ATRNL1: variants seen among roughly 807,000 people sequenced by gnomAD.
ATRNL1 encodes the protein attractin-like protein 1.
ATRNL1 carries 95 observed loss-of-function variants against 182.7 expected under a neutral mutation model. The ratio of observed to expected loss-of-function variants is 0.52; its 90% CI spans 0.44 to 0.62. The LOEUF is 0.62. Among genes scored for constraint, ATRNL1 ranks in the 20% least tolerant of loss-of-function variants. The pLI is 0.00. For synonymous variants in ATRNL1, 576 were observed against 568.3 expected (o/e 1.01, Z -0.19); for missense variants, 1,471 against 1,679.5 (o/e 0.88, Z 2.17).
chr10:115,485,860 A>C (rs35333491), intron 24 of ATRNL1, among the ~76,000 whole-genome samples: 1 of 150,988 alleles, frequency 6.6e-6, no homozygotes, highest in Non-Finnish European at 1.5e-5. Flanking sequence ...TGTTATCTAC[A>C]TTAGGTATTT....
intron 19 of ATRNL1, among the ~76,000 whole-genome samples, chr10:115,340,329 G>A (rs1004564681): frequency 5.3e-5 from 8 of 152,002 alleles, no homozygotes; most frequent in East Asian, 3.9e-4. Flanking sequence ...TTTTAGTAGC[G>A]ATGGAGTTTC....
intron 28 of ATRNL1, among the ~76,000 whole-genome samples, chr10:115,859,170 C>A (rs1438516249): frequency 6.6e-6 from 1 of 152,004 alleles, no homozygotes; most frequent in Non-Finnish European, 1.5e-5. Flanking sequence ...CCTCCAAATA[C>A]CATTATATTA....
At chr10:115,713,160 T>A (rs912056471) in intron 26 of ATRNL1, among the ~76,000 whole-genome samples, 1 of 152,158 alleles carries the variant, frequency 6.6e-6, no homozygotes, top group Non-Finnish European at 1.5e-5. Flanking sequence ...AGAGACAATC[T>A]AAGACCACAT....
chr10:115,520,683 C>T (rs1592777646), intron 25 of ATRNL1, among the ~76,000 whole-genome samples: 1 of 152,140 alleles, frequency 6.6e-6, no homozygotes, highest in African/African-American at 2.4e-5. Flanking sequence ...ATCTGCCTCC[C>T]TATGATATCT....
At chr10:115,870,519 T>C (rs902620085) in intron 28 of ATRNL1, among the ~76,000 whole-genome samples, 24 of 152,226 alleles carry the variant, frequency 1.6e-4, no homozygotes. Context: ...AAGCACTGGT[T>C]ATCTGGGACC....
At chr10:115,300,414 A>G (rs782028120) in intron 16 of ATRNL1, among the ~76,000 whole-genome samples, 167 bp downstream of exon 16, 3 of 152,218 alleles carry the variant, frequency 2.0e-5, no homozygotes, top group African/African-American at 7.2e-5. Flanking sequence ...ACTTGTGAAA[A>G]TAACATAATA....
chr10:115,477,225 A>G (rs1336105), intron 24 of ATRNL1, among the ~76,000 whole-genome samples: 108,659 of 151,330 alleles, frequency 0.72, 40,322 homozygotes, highest in African/African-American at 0.84. Context: ...TGTTTTGTTA[A>G]TTAAGATTTT....
chr10:115,093,700 C>T lies in ATRNL1; in HGVS notation c.-51C>T. The T allele has an allele frequency of 1.4e-6, 2 of 1,418,158 alleles. No homozygotes were observed. Among genetic ancestry groups the T allele is most frequent in the Non-Finnish European group, 1.8e-6 (2 of 1,087,390 alleles). The allele number at this position is 1,418,158 out of a possible 1,614,324, so 87.8% of individuals were successfully genotyped here. Reference sequence around the variant, plus strand: ...CGGCCGGAATTCCCTTCAACAGCATCCCTGTCGGCGCCCGCGAGCGCAGTC... The same window carrying T: ...CGGCCGGAATTCCCTTCAACAGCATTCCTGTCGGCGCCCGCGAGCGCAGTC... On this transcript the variant is annotated 5_prime_UTR_variant, in exon 1 of 29. Transcript: ENST00000355044. This position sits in a 1 kb window ranked among gnomAD's most constrained non-coding sequence, Gnocchi z 6.1.
intron 26 of ATRNL1, among the ~76,000 whole-genome samples, chr10:115,654,870 A>G (rs1555035354): frequency 6.6e-6 from 1 of 152,170 alleles, no homozygotes; most frequent in South Asian, 2.1e-4. Flanking sequence ...TACAGTGGAA[A>G]TGATGCTGTG....
chr10:115,178,634 A>C (rs1847628279), intron 8 of ATRNL1, among the ~76,000 whole-genome samples: 1 of 152,154 alleles, frequency 6.6e-6, no homozygotes, highest in Non-Finnish European at 1.5e-5. Flanking sequence ...GGTGTGATTA[A>C]GTCAGGATGG....
chr10:115,591,388 C>G (rs889780425), intron 26 of ATRNL1, among the ~76,000 whole-genome samples: 1 of 152,132 alleles, frequency 6.6e-6, no homozygotes, highest in African/African-American at 2.4e-5. Flanking sequence ...CTTCTGCCCT[C>G]TGGAGACTAG....
rs1844913753 is a variant in ATRNL1 at position 115,407,922 on chromosome 10, AT to A, written c.3269+13174del. Among the ~76,000 whole-genome samples the A allele has an allele frequency of 2.1e-5, 3 of 144,590 alleles. No individual in the cohort carries two copies. In the South Asian group the frequency reaches 6.5e-4, roughly 31 times the overall value. 94.9% of individuals were successfully genotyped at this position (144,590 alleles called of 152,430 possible). ...ATTTTTGTCTTAAAAAGACACAGCC[AT>A]TTTAACACAGCCATTTTAACTGGGG... is the stretch of plus-strand genomic sequence containing the variant. On this transcript the variant is annotated intron_variant, in intron 20 of 28. Coordinates refer to ENST00000355044, the MANE Select transcript of ATRNL1 (RefSeq NM_207303.4).
At chr10:115,270,335 T>A (rs2133893200) in intron 13 of ATRNL1, among the ~76,000 whole-genome samples, 9 of 66,422 alleles carry the variant, frequency 1.4e-4, no homozygotes, top group East Asian at 5.1e-4. Context: ...TATTTGTTTA[T>A]ATATTATATA....
chr10:115,216,605 A>G (rs1336819444), intron 9 of ATRNL1, among the ~76,000 whole-genome samples: 1 of 151,782 alleles, frequency 6.6e-6, no homozygotes, highest in Non-Finnish European at 1.5e-5. Flanking sequence ...TTAATTTTTA[A>G]TTTATTGATT....
chr10:115,259,848 G>A (rs113138592), intron 10 of ATRNL1, among the ~76,000 whole-genome samples: 24 of 152,238 alleles, frequency 1.6e-4, no homozygotes, highest in African/African-American at 5.5e-4. Flanking sequence ...CAGAAACACA[G>A]ATATTCCAGT....
intron 9 of ATRNL1, among the ~76,000 whole-genome samples, chr10:115,241,041 T>C (rs1850399161): frequency 6.6e-6 from 1 of 152,008 alleles, no homozygotes; most frequent in Non-Finnish European, 1.5e-5. Context: ...GTTTTTTATG[T>C]GAGTGCTGAT....
chr10:115,779,755 A>G (rs1278136417), intron 27 of ATRNL1, among the ~76,000 whole-genome samples: 1 of 152,242 alleles, frequency 6.6e-6, no homozygotes, highest in African/African-American at 2.4e-5. Context: ...AATACTCTCA[A>G]TGATTTAGAA....
chr10:115,225,536 C>T (rs557999715), intron 9 of ATRNL1, among the ~76,000 whole-genome samples: 177 of 138,508 alleles, frequency 1.3e-3, no homozygotes, highest in African/African-American at 4.2e-3. Flanking sequence ...CTGCAAATAA[C>T]ATCAATATAA....
chr10:115,195,747 C>T (rs1554890883), intron 8 of ATRNL1, among the ~76,000 whole-genome samples: 1 of 151,928 alleles, frequency 6.6e-6, no homozygotes, highest in African/African-American at 2.4e-5. Context: ...TAATTAAGGC[C>T]AGTAACTCTT....
Sources: allele counts gnomAD v4.1 joint callset (sites outside exome capture counted in the v4.1 genomes callset), GRCh38; gene constraint gnomAD v4.1.1; non-coding constraint Gnocchi (gnomAD v3.1); transcripts MANE v1.5; gene names NCBI Gene and HGNC (gene_info 2026-07-23, HGNC 2026-07-21).